The following CELSR1 variants were observed in gnomAD, a reference collection of about 807,000 sequenced individuals.
The protein encoded by CELSR1 is adhesion G protein-coupled receptor C1.
In CELSR1, 110 loss-of-function variants were observed where a neutral mutation model predicts 249.1. The observed-to-expected ratio is 0.44, with a 90% CI of 0.38 to 0.52. The LOEUF is 0.52. Among genes scored for constraint, CELSR1 ranks in the 20% least tolerant of loss-of-function variants. CELSR1 has a pLI of 0.00. For synonymous variants in CELSR1, 2,113 were observed against 1,900.0 expected, an observed-to-expected ratio of 1.11 and a Z score of -2.92; for missense variants, 4,109 against 4,296.4, an observed-to-expected ratio of 0.96 and a Z score of 1.22.
chr22:46,373,731 GGGAGCAATA>G lies in CELSR1; in HGVS notation c.7585-683_7585-675del, dbSNP rs1278522874. On this transcript the variant is annotated intron_variant, in intron 24 of 34. Coordinates refer to ENST00000674500, the MANE Select transcript of CELSR1 (RefSeq NM_001378328.1). ...GGGAGATGGGGGAGATGGGAGCAAT[GGGAGCAATA>G]GGAGCAATGGGAGGGTCCCACCACC... 2.3e-3 allele frequency among the ~76,000 whole-genome samples: 336 copies of G among 148,800 alleles called. 5 individuals carry two copies. Among genetic ancestry groups the G allele is most frequent in the African/African-American group, 7.8e-3 (301 of 38,662 alleles).
Position 46,481,216 on chromosome 22 carries a change from C to T in CELSR1, c.3545-16871G>A, listed in dbSNP as rs2080262561. 7 of 288,886 alleles carry T rather than the reference C, an allele frequency of 2.4e-5. 1 individual carries two copies. The South Asian group carries it at 3.3e-4, about 14-fold the overall frequency. 17.9% of individuals were successfully genotyped at this position (288,886 alleles called of 1,614,324 possible). On this transcript the variant is annotated intron_variant, in intron 1 of 34. Coordinates refer to ENST00000674500, the MANE Select transcript of CELSR1 (RefSeq NM_001378328.1). ...TGCCACTGCACTCCAGCCTTCCAGC[C>T]TGCGCGAAAGAACAAGACCATGTCT...
intron 5 of CELSR1, among the ~76,000 whole-genome samples, chr22:46,426,389 G>C (rs79761487): frequency 4.6e-5 from 7 of 152,124 alleles, no homozygotes; most frequent in Non-Finnish European, 8.8e-5. Flanking sequence ...TGGAGGCTGC[G>C]AGTCCAAAAT....
chr22:46,421,579 C>T (rs775134442), intron 5 of CELSR1, among the ~76,000 whole-genome samples: 4 of 152,218 alleles, frequency 2.6e-5, no homozygotes, highest in East Asian at 1.9e-4. Context: ...ATAGCAGCAT[C>T]GGGGCAGCCC....
At position 46,363,799 on chromosome 22, in the gene CELSR1, G is replaced by A. The variant is rs1039742402; in HGVS notation, c.9035+197C>T. Reference sequence around the variant, plus strand: ...CCTGAGACGTGTCCCCAGGATAGGGGGTCTGCCCATCTCCGGGGTATCCTC... The same window carrying A: ...CCTGAGACGTGTCCCCAGGATAGGGAGTCTGCCCATCTCCGGGGTATCCTC... On this transcript the variant is annotated intron_variant, in intron 34 of 34. Coordinates refer to ENST00000674500, the MANE Select transcript of CELSR1 (RefSeq NM_001378328.1). The surrounding 1 kb of genome is among the most constrained non-coding windows in gnomAD (Gnocchi z 4.3). The A allele has an allele frequency of 2.9e-6, 2 of 691,270 alleles. No homozygotes were observed. Among genetic ancestry groups the A allele is most frequent in the African/African-American group, 1.8e-5 (1 of 54,698 alleles). 42.8% of individuals were successfully genotyped at this position (691,270 alleles called of 1,614,324 possible). A position where few individuals can be genotyped will look rare whatever the true frequency, so the allele number is the denominator to read the frequency against.
rs7292762 is a variant in CELSR1, at chr22:46,472,384, C to T, written c.3545-8039G>A. On this transcript the variant is annotated intron_variant, in intron 1 of 34. Transcript: ENST00000674500. The surrounding 1 kb of genome is among the most constrained non-coding windows in gnomAD (Gnocchi z 7.0). The stretch of plus-strand genomic sequence containing the variant: ...TGGGGGCAGAGGTCACATCATGGCC[C>T]TCAAGGAGCAGGCAGCCCTCAGGGG... Among the ~76,000 whole-genome samples, 106,960 of 151,990 alleles carry T rather than the reference C, an allele frequency of 0.7. 37,681 individuals are homozygous for T. The highest frequency in any genetic ancestry group is 0.85 in the East Asian group (4,382 of 5,160).
chr22:46,494,233 C>G (rs6008869), intron 1 of CELSR1, among the ~76,000 whole-genome samples: 7,412 of 152,242 alleles, frequency 0.049, 601 homozygotes, highest in African/African-American at 0.17. Flanking sequence ...TACAGTGGCT[C>G]TATAACAAGC....
chr22:46,391,951 C>CACTTTTTTTTTTTTTTTTTTTT lies in CELSR1; in HGVS notation c.5965-136_5965-135insAAAAAAAAAAAAAAAAAAAAGT. The CACTTTTTTTTTTTTTTTTTTTT allele has an allele frequency of 1.1e-6, 1 of 932,036 alleles. No homozygotes were observed. The highest frequency in any genetic ancestry group is 1.6e-6 in the Non-Finnish European group (1 of 637,310). The allele number at this position is 932,036 out of a possible 1,614,324, so 57.7% of individuals were successfully genotyped here. ...CCGCCAGCCATCCCACCCCTCATGGCTACCCTCTGCCCACATCCCACACCC... is the reference window on the plus strand; with the variant it reads ...CCGCCAGCCATCCCACCCCTCATGGCACTTTTTTTTTTTTTTTTTTTTTACCCTCTGCCCACATCCCACACCC... On this transcript the variant is annotated intron_variant, in intron 14 of 34. Transcript: ENST00000674500. The surrounding 1 kb of genome is among the most constrained non-coding windows in gnomAD (Gnocchi z 4.3).
At chr22:46,524,886 C>G (rs1403184304) in intron 1 of CELSR1, among the ~76,000 whole-genome samples, 1 of 152,180 alleles carries the variant, frequency 6.6e-6, no homozygotes, top group Non-Finnish European at 1.5e-5. Context: ...CGCAGCTCCC[C>G]TTGTACCCCA....
At chr22:46,458,534 T>C (rs1301758835) in intron 2 of CELSR1, among the ~76,000 whole-genome samples, 4 of 152,158 alleles carry the variant, frequency 2.6e-5, no homozygotes, top group African/African-American at 9.7e-5. Flanking sequence ...CCAAGGGGCA[T>C]CCACTGTGAG....
rs1391825344 is a variant in CELSR1, at chr22:46,500,862, T to C, written c.3544+32765A>G. Among the ~76,000 whole-genome samples the C allele has an allele frequency of 5.3e-5, 8 of 152,118 alleles. No homozygotes were observed. The highest frequency in any genetic ancestry group is 1.9e-4 in the African/African-American group (8 of 41,428). The stretch of plus-strand genomic sequence containing the variant: ...AACATCCCCCATCTGCGGGCAGAGC[T>C]GTCCTTGTAAGCACGCCCATGATGG... On this transcript the variant is annotated intron_variant, in intron 1 of 34. Coordinates refer to ENST00000674500, the MANE Select transcript of CELSR1 (RefSeq NM_001378328.1). This position sits in a 1 kb window ranked among gnomAD's most constrained non-coding sequence, Gnocchi z 4.9.
intron 1 of CELSR1, among the ~76,000 whole-genome samples, chr22:46,519,500 G>A (rs1237031819): frequency 1.3e-5 from 2 of 152,242 alleles, no homozygotes; most frequent in Non-Finnish European, 2.9e-5. Context: ...GGCCCGGGGA[G>A]CAGCGGTCTC....
chr22:46,533,782 TG>T lies in CELSR1; in HGVS notation c.3388del (p.His1130MetfsTer74). ...GAGGCTGTCTGACACGTCGGGGTCATGGGCCGGGATGCAGCCGATCACGCCG... is the reference window on the plus strand; with the variant it reads ...GAGGCTGTCTGACACGTCGGGGTCATGGCCGGGATGCAGCCGATCACGCCG... ...PTGVIGCIPA[H>X]DPDVSDSLNY... On this transcript the variant is annotated frameshift_variant, in exon 1 of 35. Coordinates refer to ENST00000674500, the MANE Select transcript of CELSR1 (RefSeq NM_001378328.1). LOFTEE classifies it high-confidence loss of function. 6.2e-7 allele frequency: 1 copy of T among 1,613,674 alleles called. No individual in the cohort carries two copies. Among genetic ancestry groups the T allele is most frequent in the Non-Finnish European group, 8.5e-7 (1 of 1,180,026 alleles).
Position 46,437,222 on chromosome 22 carries a change from G to A in CELSR1, c.4407-933C>T, listed in dbSNP as rs2079673244. ...AATCCTTCTCCCACCCAGGGGCCCC[G>A]GGCAGGGGGTCTTCAGACCCAAATC... On this transcript the variant is annotated intron_variant, in intron 3 of 34. Transcript: ENST00000674500. This position sits in a 1 kb window ranked among gnomAD's most constrained non-coding sequence, Gnocchi z 4.9. Among the ~76,000 whole-genome samples, 3 of 152,114 alleles carry A rather than the reference G, an allele frequency of 2.0e-5. No homozygotes were observed. The highest frequency in any genetic ancestry group is 2.1e-4 in the South Asian group (1 of 4,824).
At chr22:46,435,111 C>A (rs2079642671) in intron 4 of CELSR1, among the ~76,000 whole-genome samples, 1 of 151,736 alleles carries the variant, frequency 6.6e-6, no homozygotes, top group Admixed American at 6.6e-5. Flanking sequence ...TGTTTAATGG[C>A]CTTGTCGATA....
chr22:46,369,862 T>C, intron 25 of CELSR1, 58 bp from the exon 26 acceptor site: 1 of 1,460,832 alleles, frequency 6.8e-7, no homozygotes, highest in Non-Finnish European at 9.6e-7. Flanking sequence ...GGCCACCCCA[T>C]GCCAAGGACC....
intron 2 of CELSR1, among the ~76,000 whole-genome samples, chr22:46,458,809 T>C (rs1430528253): frequency 6.6e-6 from 1 of 152,188 alleles, no homozygotes; most frequent in East Asian, 1.9e-4. Context: ...CACAGATACA[T>C]GGGAAAGGCC....
chr22:46,404,674 A>G (rs1390010762), intron 9 of CELSR1, among the ~76,000 whole-genome samples: 1 of 152,194 alleles, frequency 6.6e-6, no homozygotes, highest in Non-Finnish European at 1.5e-5. Flanking sequence ...TTTTTAGTAG[A>G]AACAAGGTTT....
chr22:46,475,413 G>C (rs553735506), intron 1 of CELSR1, among the ~76,000 whole-genome samples: 1 of 152,258 alleles, frequency 6.6e-6, no homozygotes, highest in East Asian at 1.9e-4. Flanking sequence ...GAGGTCCCGA[G>C]AACAGTCAAA....
At chr22:46,519,724 G>A (rs9615375) in intron 1 of CELSR1, among the ~76,000 whole-genome samples, 4 of 151,846 alleles carry the variant, frequency 2.6e-5, no homozygotes, top group African/African-American at 7.3e-5. Context: ...CTCAGGTGCC[G>A]CCAGAAACAC....
Sources: allele counts gnomAD v4.1 joint callset (sites outside exome capture counted in the v4.1 genomes callset), GRCh38; gene constraint gnomAD v4.1.1; non-coding constraint Gnocchi (gnomAD v3.1); transcripts MANE v1.5; gene names NCBI Gene and HGNC (gene_info 2026-07-23, HGNC 2026-07-21).